The following MED16 variants were observed in gnomAD, a reference collection of about 807,000 sequenced individuals.
MED16 encodes the protein mediator complex subunit 16, also known as mediator of RNA polymerase II transcription subunit 16.
MED16 carries 81 observed loss-of-function variants against 84.4 expected under a neutral mutation model. That is an observed-to-expected ratio of 0.96 (90% CI 0.80 to 1.15). The LOEUF is 1.15. Ranked by LOEUF, MED16 falls within the 50% of genes most tolerant of loss-of-function variation. The probability of loss-of-function intolerance (pLI) is 0.00; values close to 1 mark genes in which losing one functional copy is unlikely to be tolerated. For missense variants in MED16, 1,585 were observed against 1,245.9 expected, an observed-to-expected ratio of 1.27 and a Z score of -4.10; for synonymous variants, 897 against 552.2, an observed-to-expected ratio of 1.62 and a Z score of -8.76.
At chr19:887,071 C>T (rs1568332363) in intron 4 of MED16, among the ~76,000 whole-genome samples, 1 of 150,602 alleles carries the variant, frequency 6.6e-6, no homozygotes, top group Non-Finnish European at 1.5e-5. Flanking sequence ...GAGAGCAAAA[C>T]TTTGTCTCAA....
chr19:875,146 AG>A, intron 10 of MED16, 97 bp downstream of exon 10: 1 of 817,554 alleles, frequency 1.2e-6, no homozygotes, highest in South Asian at 2.6e-5. Context: ...CCTGGGCAAC[AG>A]AGTAAGACCC....
chr19:868,660 C>T (rs914462204), intron 14 of MED16, among the ~76,000 whole-genome samples, 161 bp from the exon 15 acceptor site: 1 of 152,162 alleles, frequency 6.6e-6, no homozygotes, highest in Non-Finnish European at 1.5e-5. Context: ...GCTTCTCCTC[C>T]CCCCAGCAAT....
chr19:878,236 C>G (rs2036310825), intron 8 of MED16, among the ~76,000 whole-genome samples: 3 of 35,022 alleles, frequency 8.6e-5, no homozygotes, highest in Non-Finnish European at 1.1e-4. Context: ...TGCCCACCAG[C>G]CCCAGCCCCA....
At chr19:872,745 C>T (rs987983404) in intron 11 of MED16, among the ~76,000 whole-genome samples, 1 of 151,442 alleles carries the variant, frequency 6.6e-6, no homozygotes, top group Non-Finnish European at 1.5e-5. Flanking sequence ...ATTTCAAGGC[C>T]GCCCACCCCA....
At position 880,015 on chromosome 19, in the gene MED16, C is replaced by G. The variant is rs143367239; in HGVS notation, c.1275G>C (p.Ala425=). The G allele has an allele frequency of 3.7e-6, 6 of 1,610,164 alleles. No individual in the cohort carries two copies. The highest frequency in any genetic ancestry group is 3.3e-5 in the South Asian group (3 of 90,802). The change falls in exon 8 of 16, where the codon GCG becomes GCC. Residue 425 remains alanine (A), a synonymous_variant. Transcript: ENST00000325464. ...TAGCCTTTAAGTGGACGGCGGGGCC[C>G]GCGGTGCGGGGGCGCTTCATGGCCG... ...DEPAMKRPRT[A]GPAVHLKAMQ...
chr19:872,524 C>T (rs2145197726), intron 11 of MED16, among the ~76,000 whole-genome samples: 1 of 151,818 alleles, frequency 6.6e-6, no homozygotes, highest in Admixed American at 6.6e-5. Context: ...TAAAGCCCCA[C>T]AAAAAGAAGA....
intron 3 of MED16, 86 bp downstream of exon 3, chr19:890,051 G>A: frequency 1.9e-6 from 2 of 1,066,882 alleles, no homozygotes; most frequent in Admixed American, 2.3e-5. Context: ...CCCAGCGCCG[G>A]ACTCCAGACT....
At chr19:887,655 G>T (rs1442031311) in intron 4 of MED16, among the ~76,000 whole-genome samples, 1 of 152,094 alleles carries the variant, frequency 6.6e-6, no homozygotes, top group East Asian at 1.9e-4. Context: ...GACAGAACAA[G>T]ACTCTGTCTC....
At chr19:873,354 TGAG>T in intron 11 of MED16, 92 bp downstream of exon 11, 1 of 1,100,826 alleles carries the variant, frequency 9.1e-7, no homozygotes, top group Middle Eastern at 3.1e-4. Flanking sequence ...GGGGCGGGGC[TGAG>T]GTGGTTTTGA....
At chr19:883,738 G>A (rs1049576712) in intron 6 of MED16, among the ~76,000 whole-genome samples, 1 of 152,148 alleles carries the variant, frequency 6.6e-6, no homozygotes, top group Non-Finnish European at 1.5e-5. Flanking sequence ...GGGGGCACCG[G>A]GCAGTGAAGG....
chr19:870,422 G>A (rs1481993884), intron 13 of MED16, among the ~76,000 whole-genome samples: 1 of 152,118 alleles, frequency 6.6e-6, no homozygotes, highest in Non-Finnish European at 1.5e-5. Context: ...ATACCTAGGT[G>A]TGGTGGCTCA....
chr19:889,807 C>G lies in MED16; in HGVS notation c.278G>C (p.Gly93Ala). The G allele has an allele frequency of 6.2e-7, 1 of 1,609,128 alleles. No homozygotes were observed. Among genetic ancestry groups the G allele is most frequent in the Non-Finnish European group, 8.5e-7 (1 of 1,178,424 alleles). ...AITCLEWDQS[G>A]SRLLSADADG... ...GGCATCTGCTGACAGGAGCCGGGAG[C>G]CTGAGGGCAAGAAGCCATCATTGCG... The change falls in exon 4 of 16, where the codon GGC becomes GCC. Residue 93 changes from glycine (G) to alanine (A), a missense_variant and splice_region_variant. Coordinates refer to ENST00000325464, the MANE Select transcript of MED16 (RefSeq NM_005481.3).
Position 871,095 on chromosome 19 carries a change from C to T in MED16, c.2257G>A (p.Gly753Ser). 1 of 1,548,402 alleles carries T rather than the reference C, an allele frequency of 6.5e-7. No homozygotes were observed. The highest frequency in any genetic ancestry group is 1.2e-5 in the South Asian group (1 of 83,996). ...CTGCCAGGCAGCGTGGGCGCCCGGC[C>T]AAACTGCAGACGAAGGGGCTGCTTG... ...QPKQPLRLQFGRAPTLPGSAA... is the reference protein window; with the variant it reads ...QPKQPLRLQFSRAPTLPGSAA... The change falls in exon 13 of 16, where the codon GGC becomes AGC. Residue 753 changes from glycine to serine, a missense_variant. Coordinates refer to ENST00000325464, the MANE Select transcript of MED16 (RefSeq NM_005481.3).
At chr19:873,771 C>G (rs547734955) in intron 10 of MED16, among the ~76,000 whole-genome samples, 189 bp from the exon 11 acceptor site, 1 of 151,846 alleles carries the variant, frequency 6.6e-6, no homozygotes, top group Non-Finnish European at 1.5e-5. Flanking sequence ...CACTGCCTGC[C>G]CCCCCCCGGG....
chr19:886,378 C>G (rs1036396358), intron 4 of MED16, among the ~76,000 whole-genome samples, 177 bp from the exon 5 acceptor site: 2 of 152,196 alleles, frequency 1.3e-5, no homozygotes, highest in African/African-American at 2.4e-5. Context: ...GACCCTCCGT[C>G]TCCTCATCTG....
chr19:885,453 T>TGGG (rs529689447), intron 5 of MED16, among the ~76,000 whole-genome samples: 1 of 150,314 alleles, frequency 6.7e-6, no homozygotes, highest in African/African-American at 2.5e-5. Flanking sequence ...GAGAGCACGT[T>TGGG]GGGGGGGGTC....
rs746874345 is a variant in MED16 at position 885,977 on chromosome 19, G to A, written c.672C>T (p.Gly224=). 9.9e-6 allele frequency: 16 copies of A among 1,611,056 alleles called. No individual in the cohort carries two copies. The highest frequency in any genetic ancestry group is 2.2e-5 in the South Asian group (2 of 91,034). The change falls in exon 5 of 16, where the codon GGC becomes GGT. Residue 224 remains glycine, a synonymous_variant. Transcript: ENST00000325464. ...CGTCCGCCGTGGCCACCACGATGTT[G>A]CCGCCGCCGGTGAAGGCGATGTCGG... The part of the protein sequence containing the change: ...ALADIAFTGG[G]NIVVATADGS...
intron 11 of MED16, 64 bp from the exon 12 acceptor site, chr19:872,182 T>C: frequency 6.9e-7 from 1 of 1,454,496 alleles, no homozygotes; most frequent in Non-Finnish European, 9.3e-7. Flanking sequence ...GGATGAAGTG[T>C]CTTGGGGTCG....
chr19:877,252 C>G (rs1394878573), intron 8 of MED16, 72 bp from the exon 9 acceptor site: 2 of 1,462,622 alleles, frequency 1.4e-6, no homozygotes, highest in South Asian at 2.4e-5. Context: ...GGAATGGGGC[C>G]CTGGGGCTGC....
Sources: gnomAD v4.1 joint callset for allele counts (sites outside exome capture counted in the v4.1 genomes callset) on GRCh38, gnomAD v4.1.1 for gene constraint, MANE v1.5 for transcripts, NCBI Gene and HGNC (gene_info 2026-07-23, HGNC 2026-07-21) for gene names.